Variants in KTN1 observed in about 807,000 individuals in gnomAD.
KTN1 encodes the protein kinectin 1, also known as kinectin.
Under a neutral mutation model 222.5 loss-of-function variants are expected in KTN1, and 130 were observed. That is an observed-to-expected ratio of 0.58 (90% confidence interval 0.51 to 0.68). The LOEUF is 0.68. Among genes scored for constraint, KTN1 ranks in the 30% least tolerant of loss-of-function variants. The probability of loss-of-function intolerance (pLI) is 0.00; values close to 1 mark genes in which losing one functional copy is unlikely to be tolerated. For synonymous variants in KTN1, 512 were observed against 496.3 expected (o/e 1.03, Z -0.42); for missense variants, 1,508 against 1,500.4 (o/e 1.01, Z -0.08).
At chr14:55,623,926 G>A (rs1330092987) in intron 5 of KTN1, among the ~76,000 whole-genome samples, 1 of 152,100 alleles carries the variant, frequency 6.6e-6, no homozygotes, top group Admixed American at 6.5e-5. Context: ...TCATTTTATT[G>A]TCTGAGACAG....
intron 19 of KTN1, among the ~76,000 whole-genome samples, chr14:55,647,549 C>T (rs998772325): frequency 2.8e-5 from 4 of 143,542 alleles, no homozygotes; most frequent in African/African-American, 1.0e-4. Context: ...AGGAGAATCA[C>T]TTGAACCTGG....
intron 32 of KTN1, chr14:55,663,065 G>A (rs763344093): frequency 3.2e-5 from 14 of 435,522 alleles, no homozygotes; most frequent in Non-Finnish European, 6.1e-5. Context: ...TAACTTACTT[G>A]AGCTGTGGTT....
intron 29 of KTN1, 176 bp downstream of exon 29, chr14:55,656,308 A>G (rs2043462683): frequency 5.3e-6 from 3 of 570,300 alleles, no homozygotes; most frequent in Non-Finnish European, 9.4e-6. Flanking sequence ...AAATGTGTGT[A>G]TGTATGTATA....
chr14:55,611,981 C>CGTTTTTT, intron 1 of KTN1, 38 bp from the exon 2 acceptor site: 1 of 660,444 alleles, frequency 1.5e-6, no homozygotes. Context: ...CTGACAGGTT[C>CGTTTTTT]TTTTTTTTTT....
At chr14:55,608,002 G>A (rs566534129) in intron 1 of KTN1, among the ~76,000 whole-genome samples, 3 of 152,276 alleles carry the variant, frequency 2.0e-5, no homozygotes, top group South Asian at 4.1e-4. Context: ...CAACATGAGC[G>A]TCTACATGTC....
intron 5 of KTN1, 95 bp from the exon 6 acceptor site, chr14:55,627,816 AG>A: frequency 4.2e-6 from 3 of 719,112 alleles, no homozygotes; most frequent in Non-Finnish European, 7.5e-6. Context: ...ATGGCTGCAT[AG>A]TATTCCATGG....
chr14:55,659,759 A>G, intron 31 of KTN1, 56 bp downstream of exon 31: 1 of 998,334 alleles, frequency 1.0e-6, no homozygotes, highest in Non-Finnish European at 1.6e-6. Context: ...TTATGTGGTA[A>G]ACCATTCTCA....
chr14:55,672,233 C>G (rs1457257195), intron 37 of KTN1: 2 of 229,354 alleles, frequency 8.7e-6, no homozygotes, highest in African/African-American at 4.6e-5. Context: ...TTCCTGGGAC[C>G]TGAATGTTAT....
At chr14:55,646,943 T>TTTTACTTCATGCAAATTTTGG in intron 18 of KTN1, 30 bp from the exon 19 acceptor site, 1 of 1,432,528 alleles carries the variant, frequency 7.0e-7, no homozygotes, top group Non-Finnish European at 9.8e-7. Context: ...TTTGGTAAAG[T>TTTTACTTCATGCAAATTTTGG]TAAACTTTTT....
Position 55,670,748 on chromosome 14 carries a change from A to G in KTN1, c.3287A>G (p.His1096Arg), listed in dbSNP as rs1422380553. 6.2e-7 allele frequency: 1 copy of G among 1,610,106 alleles called. No homozygotes were observed. The highest frequency in any genetic ancestry group is 2.2e-5 in the East Asian group (1 of 44,690). ...CCACAGAGTTATGGTGAATGGTTGCATGGATTTGAAAAAAAGGCAAAAGAA... is the reference window on the plus strand; with the variant it reads ...CCACAGAGTTATGGTGAATGGTTGCGTGGATTTGAAAAAAAGGCAAAAGAA... ...PSNLSYGEWL[H>R]GFEKKAKECM... The change falls in exon 35 of 44, where the codon CAT becomes CGT. Residue 1096 changes from histidine to arginine, a missense_variant. Physicochemically the swap from His to Arg is conservative, Grantham distance 29. Coordinates refer to ENST00000395314, the MANE Select transcript of KTN1 (RefSeq NM_001079521.2).
intron 1 of KTN1, among the ~76,000 whole-genome samples, chr14:55,593,672 G>A (rs1006613460): frequency 3.9e-5 from 6 of 152,060 alleles, no homozygotes; most frequent in African/African-American, 1.4e-4. Context: ...CTTGGGGAAC[G>A]TGAACGAACA....
rs145612973 is a variant in KTN1 at position 55,643,868 on chromosome 14, T to C, written c.2172+2108T>C. Among the ~76,000 whole-genome samples, 123 of 152,338 alleles carry C rather than the reference T, an allele frequency of 8.1e-4. 1 individual carries two copies. In the East Asian group the frequency reaches 0.02, roughly 25 times the overall value. ...TTATTATAATGTTTCTACGTACTTT[T>C]AGATGTTTTGTTAAAGTGACAACTT... On this transcript the variant is annotated intron_variant, in intron 18 of 43. Coordinates refer to ENST00000395314, the MANE Select transcript of KTN1 (RefSeq NM_001079521.2).
intron 30 of KTN1, 54 bp downstream of exon 30, chr14:55,658,668 A>G: frequency 9.8e-7 from 1 of 1,020,774 alleles, no homozygotes; most frequent in South Asian, 1.4e-5. Flanking sequence ...AAATTATATA[A>G]CCAGTGACAT....
chr14:55,663,899 A>G, intron 32 of KTN1, 56 bp from the exon 33 acceptor site: 1 of 1,378,434 alleles, frequency 7.3e-7, no homozygotes, highest in Non-Finnish European at 1.0e-6. Flanking sequence ...GAAGTAAAAA[A>G]GCAAAAATCT....
chr14:55,650,342 A>G lies in KTN1; in HGVS notation c.2420A>G (p.Asp807Gly). 6.3e-7 allele frequency: 1 copy of G among 1,599,232 alleles called. No homozygotes were observed. The highest frequency in any genetic ancestry group is 8.5e-7 in the Non-Finnish European group (1 of 1,175,050). ...EELKKVIHEK[D>G]GKIKSVEELL... ...CTTTATTGAAGGATCCATGAGAAAG[A>G]TGGAAAGATCAAGTCTGTAGAAGAG... Residue 807 changes from aspartate to glycine, a missense_variant, in exon 23 of 44, where the codon GAT becomes GGT. Coordinates refer to ENST00000395314, the MANE Select transcript of KTN1 (RefSeq NM_001079521.2).
intron 22 of KTN1, 85 bp from the exon 23 acceptor site, chr14:55,650,243 G>A (rs1370765627): frequency 2.4e-6 from 2 of 820,654 alleles, no homozygotes; most frequent in African/African-American, 3.5e-5. Context: ...GATTTGGAGA[G>A]CCATTTCATT....
intron 2 of KTN1, among the ~76,000 whole-genome samples, chr14:55,614,729 C>T (rs988696097): frequency 2.6e-5 from 4 of 152,164 alleles, no homozygotes; most frequent in African/African-American, 9.7e-5. Flanking sequence ...CAGTGGCAGA[C>T]TTGAATAGTT....
rs148308703 is a variant in KTN1, at chr14:55,640,997, G to A, written c.2021+27G>A. 3.7e-3 allele frequency: 5,795 copies of A among 1,575,638 alleles called. 12 individuals are homozygous for A. Among genetic ancestry groups the A allele is most frequent in the Middle Eastern group, 4.2e-3 (24 of 5,730 alleles). ...TGACTAAAGTATTGTACATCTAGTC[G>A]TTCATACATTTATGTTTAATTATAA... On this transcript the variant is annotated intron_variant, in intron 16 of 43. Coordinates refer to ENST00000395314, the MANE Select transcript of KTN1 (RefSeq NM_001079521.2).
rs375002171 is a variant in KTN1 at position 55,637,845 on chromosome 14, C to G, written c.1783C>G (p.Gln595Glu). 1 of 1,608,298 alleles carries G rather than the reference C, an allele frequency of 6.2e-7. No individual in the cohort carries two copies. The highest frequency in any genetic ancestry group is 8.5e-7 in the Non-Finnish European group (1 of 1,175,870). Residue 595 changes from glutamine (Q) to glutamate (E), a missense_variant and splice_region_variant, in exon 12 of 44, where the codon CAG (glutamine) becomes GAG (glutamate). Transcript: ENST00000395314. ...IQQFHSQIAAQTSASVLAEEL... is the reference protein window; with the variant it reads ...IQQFHSQIAAETSASVLAEEL... ...GCAGTTCCATTCCCAGATAGCAGCCCAGGTAATGATGCTTTCTTATTGCTT... is the reference window on the plus strand; with the variant it reads ...GCAGTTCCATTCCCAGATAGCAGCCGAGGTAATGATGCTTTCTTATTGCTT...
Sources: gnomAD v4.1 joint callset for allele counts (sites outside exome capture counted in the v4.1 genomes callset) on GRCh38, gnomAD v4.1.1 for gene constraint, MANE v1.5 for transcripts, NCBI Gene and HGNC (gene_info 2026-07-23, HGNC 2026-07-21) for gene names.